Variants in GRIA4 observed in about 807,000 individuals in gnomAD.
GRIA4 encodes glutamate receptor 4.
In GRIA4, 34 loss-of-function variants were observed where a neutral mutation model predicts 104.0. The ratio of observed to expected loss-of-function variants is 0.33; its 90% CI spans 0.25 to 0.44. GRIA4 has a LOEUF of 0.44. Among genes scored for constraint, GRIA4 ranks in the 20% least tolerant of loss-of-function variants. The pLI is 1.00. For synonymous variants in GRIA4, 386 were observed against 381.9 expected (o/e 1.01, Z -0.13); for missense variants, 750 against 1,096.5 (o/e 0.68, Z 4.46).
At chr11:105,881,989 T>G (rs1946082018) in intron 5 of GRIA4, among the ~76,000 whole-genome samples, 1 of 152,222 alleles carries the variant, frequency 6.6e-6, no homozygotes, top group Non-Finnish European at 1.5e-5. Context: ...TTGCCTTATA[T>G]TTTTCTTTTG....
intron 3 of GRIA4, among the ~76,000 whole-genome samples, chr11:105,637,281 A>T (rs1261422478): frequency 1.3e-5 from 2 of 152,202 alleles, no homozygotes; most frequent in Admixed American, 6.6e-5. Flanking sequence ...TACACCTGTC[A>T]CCTTTAAACA....
Position 105,611,020 on chromosome 11 carries a change from T to G in GRIA4, c.23T>G (p.Ile8Ser). 2 of 1,612,602 alleles carry G rather than the reference T, an allele frequency of 1.2e-6. No individual in the cohort carries two copies. Among genetic ancestry groups the G allele is most frequent in the South Asian group, 2.2e-5 (2 of 91,030 alleles). Residue 8 changes from isoleucine (I) to serine (S), a missense_variant, in exon 2 of 17, where the codon ATT (isoleucine) becomes AGT (serine). Coordinates refer to ENST00000282499, the MANE Select transcript of GRIA4 (RefSeq NM_000829.4). ...AAGATGAGGATTATTTCCAGACAGA[T>G]TGTCTTGTTATTTTCTGGATTTTGG... MRIISRQ[I>S]VLLFSGFWGL...
chr11:105,941,442 T>G (rs1948178044), intron 14 of GRIA4, among the ~76,000 whole-genome samples: 1 of 152,144 alleles, frequency 6.6e-6, no homozygotes, highest in African/African-American at 2.4e-5. Flanking sequence ...TAACTCCACC[T>G]TTCAATGTAC....
intron 4 of GRIA4, among the ~76,000 whole-genome samples, chr11:105,829,756 T>G (rs1476792018): frequency 6.6e-6 from 1 of 151,826 alleles, no homozygotes; most frequent in East Asian, 1.9e-4. Context: ...TTTCTGTAGA[T>G]GATAGAAATT....
At chr11:105,690,180 C>T (rs1953034738) in intron 3 of GRIA4, among the ~76,000 whole-genome samples, 1 of 152,138 alleles carries the variant, frequency 6.6e-6, no homozygotes, top group Non-Finnish European at 1.5e-5. Context: ...CTTCTTGATG[C>T]TGTAACTTTT....
At chr11:105,857,757 T>C (rs1945060232) in intron 4 of GRIA4, among the ~76,000 whole-genome samples, 2 of 152,200 alleles carry the variant, frequency 1.3e-5, no homozygotes, top group African/African-American at 4.8e-5. Flanking sequence ...CACTTTCTAG[T>C]TCTCATCCAA....
At chr11:105,663,808 T>C (rs915806917) in intron 3 of GRIA4, among the ~76,000 whole-genome samples, 1 of 151,930 alleles carries the variant, frequency 6.6e-6, no homozygotes, top group Non-Finnish European at 1.5e-5. Flanking sequence ...ATTTATATAA[T>C]AATAACATCT....
intron 4 of GRIA4, among the ~76,000 whole-genome samples, chr11:105,857,480 C>T (rs1488933008): frequency 3.3e-5 from 5 of 152,092 alleles, no homozygotes; most frequent in Non-Finnish European, 5.9e-5. Flanking sequence ...GGCTCAGCAA[C>T]CCCCCATGGG....
At chr11:105,892,069 T>C (rs1439875996) in intron 6 of GRIA4, among the ~76,000 whole-genome samples, 1 of 152,146 alleles carries the variant, frequency 6.6e-6, no homozygotes, top group African/African-American at 2.4e-5. Context: ...AAAGAAAAGT[T>C]TGAAGCTCTG....
intron 11 of GRIA4, among the ~76,000 whole-genome samples, chr11:105,921,309 GT>G (rs1565343481): frequency 1.6e-3 from 155 of 99,676 alleles, no homozygotes; most frequent in Non-Finnish European, 2.2e-3. Context: ...ACACTTGGGT[GT>G]GTGTGTGTGT....
intron 4 of GRIA4, chr11:105,797,763 T>C (rs769675331): frequency 2.2e-6 from 1 of 454,330 alleles, no homozygotes; most frequent in South Asian, 1.6e-5. Flanking sequence ...CAAGTAATTG[T>C]ATGCCAAGTT....
At chr11:105,776,383 A>G (rs1374623683) in intron 4 of GRIA4, among the ~76,000 whole-genome samples, 4 of 152,228 alleles carry the variant, frequency 2.6e-5, no homozygotes, top group Non-Finnish European at 5.9e-5. Flanking sequence ...AAATTATATG[A>G]ATATATCAAA....
At chr11:105,921,151 T>A (rs1219892455) in intron 11 of GRIA4, among the ~76,000 whole-genome samples, 2 of 152,170 alleles carry the variant, frequency 1.3e-5, no homozygotes, top group Non-Finnish European at 2.9e-5. Context: ...GGCATTTACA[T>A]GTTATCCAAC....
chr11:105,869,131 T>C (rs904762259), intron 5 of GRIA4, among the ~76,000 whole-genome samples: 1 of 152,068 alleles, frequency 6.6e-6, no homozygotes, highest in African/African-American at 2.4e-5. Context: ...CTCATTTTCT[T>C]ATAAAGTAAA....
chr11:105,771,360 A>G (rs1941200346), intron 4 of GRIA4, among the ~76,000 whole-genome samples: 2 of 152,070 alleles, frequency 1.3e-5, no homozygotes, highest in Non-Finnish European at 2.9e-5. Flanking sequence ...CCCTGACCGT[A>G]GACATAAGTA....
At chr11:105,914,815 T>C (rs1947352820) in intron 10 of GRIA4, among the ~76,000 whole-genome samples, 1 of 152,206 alleles carries the variant, frequency 6.6e-6, no homozygotes, top group African/African-American at 2.4e-5. Flanking sequence ...GATCATTCCA[T>C]TTTTATTCAA....
At chr11:105,738,936 AAAAAAAAAC>A (rs1939133005) in intron 3 of GRIA4, among the ~76,000 whole-genome samples, 1 of 112,888 alleles carries the variant, frequency 8.9e-6, no homozygotes, top group Non-Finnish European at 2.1e-5. Flanking sequence ...AAAACAAAAA[AAAAAAAAAC>A]AAAAAAAACC....
intron 16 of GRIA4, 59 bp downstream of exon 16, chr11:105,974,503 C>T (rs1858870932): frequency 6.2e-7 from 1 of 1,613,306 alleles, no homozygotes; most frequent in Admixed American, 1.7e-5. Context: ...CAGAATTTAG[C>T]AACCTATAGA....
chr11:105,915,402 A>G (rs1480174977), intron 10 of GRIA4, among the ~76,000 whole-genome samples: 1 of 152,230 alleles, frequency 6.6e-6, no homozygotes, highest in Non-Finnish European at 1.5e-5. Flanking sequence ...AAAAAGAAAG[A>G]AAAAACTGAA....
Sources: allele counts gnomAD v4.1 joint callset (sites outside exome capture counted in the v4.1 genomes callset), GRCh38; gene constraint gnomAD v4.1.1; transcripts MANE v1.5; gene names NCBI Gene and HGNC (gene_info 2026-07-23, HGNC 2026-07-21).